COMMD1: variants seen among roughly 807,000 people sequenced by gnomAD.
The protein encoded by COMMD1 is COMM domain-containing protein 1.
COMMD1 carries 10 observed loss-of-function variants against 17.2 expected under a neutral mutation model. The ratio of observed to expected loss-of-function variants is 0.58; its 90% confidence interval spans 0.36 to 0.99. COMMD1 has a LOEUF of 0.99. COMMD1 is among the 50% of genes least tolerant of loss of function. The pLI, the probability that COMMD1 is intolerant of heterozygous loss-of-function variation, is 0.01. For missense variants in COMMD1, 270 were observed against 231.8 expected (o/e 1.17, Z -1.07); for synonymous variants, 97 against 91.6 (o/e 1.06, Z -0.34).
chr2:61,991,349 T>A (rs887346188), intron 1 of COMMD1, among the ~76,000 whole-genome samples: 1 of 152,204 alleles, frequency 6.6e-6, no homozygotes, highest in Admixed American at 6.5e-5. Flanking sequence ...GGACTTAATG[T>A]TGATCTGCAA....
chr2:62,035,199 G>A (rs1392298304), intron 2 of COMMD1, among the ~76,000 whole-genome samples: 1 of 152,178 alleles, frequency 6.6e-6, no homozygotes, highest in Non-Finnish European at 1.5e-5. Context: ...TTTGTATACT[G>A]ATACTTAAAG....
chr2:62,062,688 AT>A (rs778411984), intron 2 of COMMD1, among the ~76,000 whole-genome samples: 15 of 152,298 alleles, frequency 9.8e-5, no homozygotes, highest in African/African-American at 2.4e-4. Context: ...TAAAAAAAAA[AT>A]CTCTGTTCAT....
intron 2 of COMMD1, chr2:62,069,957 A>G (rs887308501): frequency 1.2e-4 from 18 of 152,238 alleles, no homozygotes; most frequent in South Asian, 4.1e-4. Flanking sequence ...ATATACTGCA[A>G]TATTTCAATT....
At chr2:62,030,831 CAA>C (rs1442715173) in intron 2 of COMMD1, among the ~76,000 whole-genome samples, 3 of 151,916 alleles carry the variant, frequency 2.0e-5, no homozygotes, top group Non-Finnish European at 1.5e-5. Flanking sequence ...TAGAAAAAAA[CAA>C]TATATTTTAC....
At chr2:62,075,475 A>G (rs1558588102) in intron 2 of COMMD1, among the ~76,000 whole-genome samples, 2 of 152,214 alleles carry the variant, frequency 1.3e-5, no homozygotes, top group Non-Finnish European at 2.9e-5. Flanking sequence ...TTAAAAGCCC[A>G]TCTATAATGT....
chr2:61,900,691 G>C (rs1669638411), upstream of COMMD1, among the ~76,000 whole-genome samples: 1 of 152,160 alleles, frequency 6.6e-6, no homozygotes, highest in Non-Finnish European at 1.5e-5. Flanking sequence ...GAGGAGGTCT[G>C]TTCACTCAGT....
intron 2 of COMMD1, among the ~76,000 whole-genome samples, chr2:62,042,592 G>A (rs933209920): frequency 3.3e-5 from 5 of 152,066 alleles, no homozygotes; most frequent in Non-Finnish European, 5.9e-5. Flanking sequence ...CCCGGCTCCC[G>A]CCCGTGCCTC....
At chr2:62,011,240 A>G (rs1178928547) in intron 2 of COMMD1, among the ~76,000 whole-genome samples, 2 of 150,572 alleles carry the variant, frequency 1.3e-5, no homozygotes, top group South Asian at 2.1e-4. Flanking sequence ...ACAATAAACT[A>G]TTTATTTAAA....
At chr2:61,916,821 A>C (rs140698895) in intron 1 of COMMD1, among the ~76,000 whole-genome samples, 264 of 152,312 alleles carry the variant, frequency 1.7e-3, no homozygotes, top group African/African-American at 5.6e-3. Context: ...ATTTGTACCC[A>C]GCACTCGAAG....
At chr2:62,072,416 C>T (rs554240804) in intron 2 of COMMD1, among the ~76,000 whole-genome samples, 1 of 152,296 alleles carries the variant, frequency 6.6e-6, no homozygotes, top group African/African-American at 2.4e-5. Flanking sequence ...CACATTGGGA[C>T]TACCTGCCTT....
At chr2:61,945,782 TAGGCAG>T (rs1670889640) in intron 1 of COMMD1, among the ~76,000 whole-genome samples, 1 of 152,202 alleles carries the variant, frequency 6.6e-6, no homozygotes, top group Non-Finnish European at 1.5e-5. Context: ...TTCCAGGTCA[TAGGCAG>T]ATTTAAAGAC....
chr2:61,888,593 T>G, upstream of COMMD1: 1 of 1,451,458 alleles, frequency 6.9e-7, no homozygotes. Context: ...CGGTAAGCCC[T>G]CACTGCCTTC....
At chr2:61,904,785 G>A (rs547122151), upstream of COMMD1, among the ~76,000 whole-genome samples, 10 of 152,212 alleles carry the variant, frequency 6.6e-5, no homozygotes, top group South Asian at 1.4e-3. Flanking sequence ...TTCCACTTCC[G>A]GAATGTTTTC....
At chr2:62,039,207 G>T (rs1670118086) in intron 2 of COMMD1, among the ~76,000 whole-genome samples, 1 of 152,184 alleles carries the variant, frequency 6.6e-6, no homozygotes, top group South Asian at 2.1e-4. Flanking sequence ...GCTATTTCCT[G>T]TCTTCTTTCC....
intron 1 of COMMD1, among the ~76,000 whole-genome samples, chr2:61,932,502 C>T (rs1670494976): frequency 6.6e-6 from 1 of 152,088 alleles, no homozygotes; most frequent in African/African-American, 2.4e-5. Context: ...GAGGTTGACA[C>T]TATGTCTAAG....
At chr2:61,927,777 GGTTTT>G (rs1300156685) in intron 1 of COMMD1, among the ~76,000 whole-genome samples, 1 of 150,122 alleles carries the variant, frequency 6.7e-6, no homozygotes, top group Non-Finnish European at 1.5e-5. Context: ...GCCTTCTGAA[GGTTTT>G]GTTTTGTTTT....
chr2:62,131,589 C>G (rs1398879250), intron 2 of COMMD1, among the ~76,000 whole-genome samples: 1 of 152,070 alleles, frequency 6.6e-6, no homozygotes, highest in Non-Finnish European at 1.5e-5. Flanking sequence ...ATTGCCAAGG[C>G]TAGAGTCCAG....
At chr2:62,120,659 A>G (rs961408132) in intron 2 of COMMD1, among the ~76,000 whole-genome samples, 1 of 152,234 alleles carries the variant, frequency 6.6e-6, no homozygotes, top group Non-Finnish European at 1.5e-5. Context: ...CAGAACACCT[A>G]AAAATAATTT....
At chr2:61,913,418 C>T (rs1354944993) in intron 1 of COMMD1, among the ~76,000 whole-genome samples, 2 of 150,064 alleles carry the variant, frequency 1.3e-5, no homozygotes, top group African/African-American at 4.9e-5. Context: ...TGGCTCATGC[C>T]TGTAATCCCA....
Sources: gnomAD v4.1 joint callset for allele counts (sites outside exome capture counted in the v4.1 genomes callset) on GRCh38, gnomAD v4.1.1 for gene constraint, MANE v1.5 for transcripts, NCBI Gene and HGNC (gene_info 2026-07-23, HGNC 2026-07-21) for gene names.